Variants in PTPRD observed in about 807,000 individuals in gnomAD.
PTPRD encodes receptor-type tyrosine-protein phosphatase delta.
PTPRD carries 34 observed loss-of-function variants against 214.5 expected under a neutral mutation model. The ratio of observed to expected loss-of-function variants is 0.16; its 90% CI spans 0.12 to 0.21. The LOEUF (loss-of-function observed/expected upper bound fraction) is 0.21. Among genes scored for constraint, PTPRD ranks in the 10% least tolerant of loss-of-function variants. PTPRD has a pLI of 1.00. For missense variants in PTPRD, 2,545 were observed against 2,398.7 expected (o/e 1.06, Z -1.27); for synonymous variants, 1,128 against 845.7 (o/e 1.33, Z -5.79).
intron 12 of PTPRD, among the ~76,000 whole-genome samples, chr9:8,690,520 C>T (rs1597110646): frequency 8.4e-6 from 1 of 118,610 alleles, no homozygotes; most frequent in South Asian, 2.6e-4. Flanking sequence ...CAGAGCAAGA[C>T]TCCGTCTCAA....
chr9:9,599,527 C>T (rs760812548), intron 7 of PTPRD, among the ~76,000 whole-genome samples: 6 of 152,038 alleles, frequency 3.9e-5, no homozygotes, highest in Non-Finnish European at 5.9e-5. Flanking sequence ...AACTTTTTAC[C>T]TTGGCTGGTG....
rs535042390 is a variant in PTPRD, at chr9:9,527,312, G to C, written c.-237+47420C>G. ...CTGTGCCTAAAGCAAGGTGTATTTT[G>C]TTATTCAGAACTTAATGACAGTCAG... On this transcript the variant is annotated intron_variant, in intron 8 of 45. Transcript: ENST00000381196. 2.0e-5 allele frequency among the ~76,000 whole-genome samples: 3 copies of C among 152,254 alleles called. No individual in the cohort carries two copies. In the South Asian group the frequency reaches 6.2e-4, roughly 32 times the overall value.
chr9:8,489,526 T>C (rs2097105593), intron 27 of PTPRD, among the ~76,000 whole-genome samples: 1 of 152,058 alleles, frequency 6.6e-6, no homozygotes, highest in Non-Finnish European at 1.5e-5. Context: ...AGTAAAGAAA[T>C]GAATGCTTAT....
At chr9:8,617,399 A>C (rs551483508) in intron 14 of PTPRD, among the ~76,000 whole-genome samples, 1 of 152,098 alleles carries the variant, frequency 6.6e-6, no homozygotes, top group African/African-American at 2.4e-5. Flanking sequence ...AGAAATGCTT[A>C]TAACTCTTAT....
intron 7 of PTPRD, among the ~76,000 whole-genome samples, chr9:9,618,071 C>CAAAAAAAAAA (rs34125624): frequency 3.0e-4 from 7 of 23,024 alleles, no homozygotes; most frequent in African/African-American, 5.9e-4. Context: ...GACTCCATCT[C>CAAAAAAAAAA]AAAAAAAAAA....
At chr9:9,916,502 T>C (rs141180956) in intron 5 of PTPRD, among the ~76,000 whole-genome samples, 75 of 152,100 alleles carry the variant, frequency 4.9e-4, no homozygotes, top group African/African-American at 5.3e-4. Flanking sequence ...ATTGGTTGAA[T>C]AGATTTTTAA....
At chr9:8,637,576 T>C (rs1426170736) in intron 12 of PTPRD, among the ~76,000 whole-genome samples, 2 of 152,188 alleles carry the variant, frequency 1.3e-5, no homozygotes, top group African/African-American at 2.4e-5. Flanking sequence ...TCCATCTCCT[T>C]TAAATGTTCC....
chr9:10,355,516 T>C (rs1168547245), intron 2 of PTPRD, among the ~76,000 whole-genome samples: 1 of 151,340 alleles, frequency 6.6e-6, no homozygotes, highest in Non-Finnish European at 1.5e-5. Context: ...CTCACTCTTA[T>C]TGCCTAGACT....
chr9:8,781,267 G>A (rs1020776130), intron 11 of PTPRD, among the ~76,000 whole-genome samples: 1 of 152,164 alleles, frequency 6.6e-6, no homozygotes, highest in Admixed American at 6.5e-5. Flanking sequence ...TAAGAGTCAG[G>A]GGGCTGCTCT....
intron 3 of PTPRD, among the ~76,000 whole-genome samples, chr9:10,299,160 A>T (rs1404676897): frequency 6.6e-6 from 1 of 152,150 alleles, no homozygotes; most frequent in Admixed American, 6.6e-5. Context: ...TTTAATATTC[A>T]CATTTTAAAA....
chr9:10,095,966 G>A (rs987555160), intron 3 of PTPRD, among the ~76,000 whole-genome samples: 9 of 151,390 alleles, frequency 5.9e-5, no homozygotes, highest in Admixed American at 3.3e-4. Flanking sequence ...ACATTGCTGG[G>A]GTGAACTCAT....
At chr9:10,236,157 A>G (rs1056101465) in intron 3 of PTPRD, among the ~76,000 whole-genome samples, 4 of 151,918 alleles carry the variant, frequency 2.6e-5, no homozygotes, top group Admixed American at 1.3e-4. Context: ...TCCGAGACAC[A>G]GATATACCTG....
At chr9:9,373,786 G>T (rs1156883414) in intron 9 of PTPRD, among the ~76,000 whole-genome samples, 1 of 152,098 alleles carries the variant, frequency 6.6e-6, no homozygotes, top group Non-Finnish European at 1.5e-5. Context: ...AAATTCACAG[G>T]TGCCATGGTT....
chr9:8,425,751 G>A (rs2094621860), intron 35 of PTPRD, among the ~76,000 whole-genome samples: 2 of 152,058 alleles, frequency 1.3e-5, no homozygotes, highest in Admixed American at 6.5e-5. Context: ...TCCAGTAAAT[G>A]TTAAACAGAT....
chr9:9,545,713 G>A (rs1345044288), intron 8 of PTPRD, among the ~76,000 whole-genome samples: 1 of 151,620 alleles, frequency 6.6e-6, no homozygotes, highest in African/African-American at 2.4e-5. Flanking sequence ...GATTACTGTA[G>A]GTGTATTGTA....
intron 9 of PTPRD, among the ~76,000 whole-genome samples, chr9:9,210,233 A>T (rs2099947652): frequency 6.6e-6 from 1 of 152,142 alleles, no homozygotes; most frequent in Non-Finnish European, 1.5e-5. Flanking sequence ...TCCATAGAGA[A>T]TTATCTCCAC....
chr9:10,118,726 C>T (rs1331187011), intron 3 of PTPRD, among the ~76,000 whole-genome samples: 1 of 151,084 alleles, frequency 6.6e-6, no homozygotes, highest in African/African-American at 2.4e-5. Flanking sequence ...AAAAATGTGC[C>T]CTAATCGTTG....
intron 2 of PTPRD, among the ~76,000 whole-genome samples, chr9:10,367,275 C>G (rs2097534330): frequency 6.6e-6 from 1 of 152,064 alleles, no homozygotes; most frequent in South Asian, 2.1e-4. Context: ...GTCTTTCTTA[C>G]CTAAAGGGTA....
intron 2 of PTPRD, among the ~76,000 whole-genome samples, chr9:10,515,454 G>C (rs2049753629): frequency 6.6e-6 from 1 of 151,924 alleles, no homozygotes; most frequent in Admixed American, 6.6e-5. Flanking sequence ...TGAAGAACAA[G>C]AAAAAGTACA....
Sources: allele counts gnomAD v4.1 joint callset (sites outside exome capture counted in the v4.1 genomes callset), GRCh38; gene constraint gnomAD v4.1.1; transcripts MANE v1.5; gene names NCBI Gene and HGNC (gene_info 2026-07-23, HGNC 2026-07-21).